TEKT5: variants seen among roughly 807,000 people sequenced by gnomAD.
TEKT5 encodes the protein tektin-5.
Under a neutral mutation model 48.7 loss-of-function variants are expected in TEKT5, and 52 were observed. The ratio of observed to expected loss-of-function variants is 1.07; its 90% CI spans 0.86 to 1.35. The LOEUF is 1.35. Among genes scored for constraint, TEKT5 ranks in the 40% most tolerant of loss-of-function variants. The pLI is 0.00. For synonymous variants in TEKT5, 318 were observed against 267.6 expected, an observed-to-expected ratio of 1.19 and a Z score of -1.84; for missense variants, 831 against 641.6, an observed-to-expected ratio of 1.30 and a Z score of -3.19.
At chr16:10,690,258 A>G (rs1454848075) in intron 1 of TEKT5, 2 of 536,106 alleles carry the variant, frequency 3.7e-6, no homozygotes, top group South Asian at 2.9e-5. Flanking sequence ...CCATGTAGAG[A>G]AAACAGGATA....
At chr16:10,652,832 G>A (rs1424295618) in intron 5 of TEKT5, among the ~76,000 whole-genome samples, 2 of 48,234 alleles carry the variant, frequency 4.1e-5, no homozygotes, top group African/African-American at 9.5e-5. Flanking sequence ...TATATACACA[G>A]GCAGACACAC....
chr16:10,661,588 C>T (rs953952721), intron 5 of TEKT5, among the ~76,000 whole-genome samples: 5 of 152,234 alleles, frequency 3.3e-5, no homozygotes, highest in African/African-American at 7.2e-5. Context: ...GGAGGACTCA[C>T]ACCCAGGCAG....
At chr16:10,647,341 G>A (rs781420603) in intron 5 of TEKT5, among the ~76,000 whole-genome samples, 5 of 151,866 alleles carry the variant, frequency 3.3e-5, no homozygotes, top group Non-Finnish European at 5.9e-5. Context: ...GCGTGGTGGT[G>A]CACACCGGCG....
intron 5 of TEKT5, among the ~76,000 whole-genome samples, chr16:10,663,828 T>C (rs1898414682): frequency 1.3e-5 from 2 of 152,168 alleles, no homozygotes; most frequent in South Asian, 4.2e-4. Context: ...GGGTGCAAAT[T>C]CACCCTGGTT....
rs762983325 is a variant in TEKT5, at chr16:10,627,718, C to T, written c.1323G>A (p.Gln441=). 2.5e-6 allele frequency: 4 copies of T among 1,614,084 alleles called. No individual in the cohort carries two copies. Among genetic ancestry groups the T allele is most frequent in the South Asian group, 2.2e-5 (2 of 91,066 alleles). The change falls in exon 7 of 7, where the codon CAG becomes CAA. Residue 441 remains glutamine, a synonymous_variant. Transcript: ENST00000283025. ...LRLRETQDTL[Q]LLVMTKCRLE... ...GCCGGCACTTGGTCATGACCAGCAGCTGCAGCGTGTCCTGTGTCTCCCGCA... is the reference window on the plus strand; with the variant it reads ...GCCGGCACTTGGTCATGACCAGCAGTTGCAGCGTGTCCTGTGTCTCCCGCA...
intron 5 of TEKT5, among the ~76,000 whole-genome samples, chr16:10,656,772 G>C (rs920527938): frequency 2.6e-5 from 4 of 152,052 alleles, no homozygotes; most frequent in African/African-American, 7.2e-5. Flanking sequence ...ACAGGGTCTT[G>C]CTTTGTTGCC....
rs73510044 is a variant in TEKT5 at position 10,655,150 on chromosome 16, T to A, written c.1087-19232A>T. ...AACAATTGAGGACTACATTTATCCT[T>A]CAAGAACTGTTGTCTCTTTTACATA... is the stretch of plus-strand genomic sequence containing the variant. On this transcript the variant is annotated intron_variant, in intron 5 of 6. Coordinates refer to ENST00000283025, the MANE Select transcript of TEKT5 (RefSeq NM_144674.2). Among the ~76,000 whole-genome samples, 108 of 152,228 alleles carry A rather than the reference T, an allele frequency of 7.1e-4. 3 individuals carry two copies. The highest frequency in any genetic ancestry group is 2.6e-3 in the African/African-American group (106 of 41,542).
chr16:10,652,188 C>T (rs62025788), intron 5 of TEKT5, among the ~76,000 whole-genome samples: 27,999 of 151,954 alleles, frequency 0.18, 2,801 homozygotes, highest in Middle Eastern at 0.38. Flanking sequence ...CTCTCGAAAA[C>T]CTTAGCAAGT....
Position 10,627,610 on chromosome 16 carries a change from G to A in TEKT5, c.1431C>T (p.Cys477=). Residue 477 remains cysteine, a synonymous_variant, in exon 7 of 7, where the codon TGC becomes TGT. Transcript: ENST00000283025. The part of the protein sequence containing the change: ...KCMGMRKTFP[C]TPRLVGHT ...AGGTGTGGCCCACCAGGCGCGGGGTGCAGGGGAAGGTCTTACGCATGCCCA... is the reference window on the plus strand; with the variant it reads ...AGGTGTGGCCCACCAGGCGCGGGGTACAGGGGAAGGTCTTACGCATGCCCA... 1 of 1,614,196 alleles carries A rather than the reference G, an allele frequency of 6.2e-7. No homozygotes were observed. The highest frequency in any genetic ancestry group is 8.5e-7 in the Non-Finnish European group (1 of 1,180,014).
intron 6 of TEKT5, among the ~76,000 whole-genome samples, chr16:10,628,034 C>T (rs1373286492): frequency 2.0e-5 from 3 of 151,580 alleles, no homozygotes; most frequent in Non-Finnish European, 2.9e-5. Context: ...TTATTAGAGG[C>T]AGGGTTTCAC....
At chr16:10,673,019 A>T (rs1898575690) in intron 5 of TEKT5, among the ~76,000 whole-genome samples, 1 of 152,102 alleles carries the variant, frequency 6.6e-6, no homozygotes, top group Non-Finnish European at 1.5e-5. Context: ...ACAAACAAGG[A>T]GACTGAGGCT....
At chr16:10,672,173 T>C (rs779409002) in intron 5 of TEKT5, among the ~76,000 whole-genome samples, 2 of 152,082 alleles carry the variant, frequency 1.3e-5, no homozygotes, top group African/African-American at 2.4e-5. Context: ...TTATGTTATG[T>C]GTATTTTACC....
At chr16:10,665,847 G>C (rs1898446913) in intron 5 of TEKT5, among the ~76,000 whole-genome samples, 1 of 152,226 alleles carries the variant, frequency 6.6e-6, no homozygotes, top group Admixed American at 6.5e-5. Context: ...ATGGCCCTGA[G>C]CCTTTTCCTG....
At chr16:10,665,684 T>G (rs117413570) in intron 5 of TEKT5, among the ~76,000 whole-genome samples, 2 of 152,316 alleles carry the variant, frequency 1.3e-5, no homozygotes, top group East Asian at 3.9e-4. Context: ...ATTTCCCATG[T>G]CTGAACTCCC....
chr16:10,685,561 T>A (rs1444432863), intron 3 of TEKT5, among the ~76,000 whole-genome samples: 1 of 152,172 alleles, frequency 6.6e-6, no homozygotes, highest in African/African-American at 2.4e-5. Context: ...CCTCCCAAAG[T>A]GCTGGGATTA....
Position 10,627,811 on chromosome 16 carries a change from G to T in TEKT5, c.1242-12C>A, listed in dbSNP as rs1897775898. 1 of 1,612,220 alleles carries T rather than the reference G, an allele frequency of 6.2e-7. No individual in the cohort carries two copies. Among genetic ancestry groups the T allele is most frequent in the Non-Finnish European group, 8.5e-7 (1 of 1,178,426 alleles). On this transcript the variant is annotated splice_polypyrimidine_tract_variant and intron_variant, in intron 6 of 6. Transcript: ENST00000283025. Reference sequence around the variant, plus strand: ...CCTCGTTCACCAGCCTGGGGTGAGGGCAGAGGAGAAGGCACAGGTTATTCA... The same window carrying T: ...CCTCGTTCACCAGCCTGGGGTGAGGTCAGAGGAGAAGGCACAGGTTATTCA...
chr16:10,627,632 C>G lies in TEKT5; in HGVS notation c.1409G>C (p.Gly470Ala), dbSNP rs1253417906. 6.2e-6 allele frequency: 10 copies of G among 1,614,196 alleles called. No homozygotes were observed. The highest frequency in any genetic ancestry group is 5.9e-6 in the Non-Finnish European group (7 of 1,180,042). The change falls in exon 7 of 7, where the codon GGC (glycine) becomes GCC (alanine). Residue 470 changes from glycine to alanine, a missense_variant. Physicochemically the swap from Gly to Ala is moderately conservative, Grantham distance 60. Transcript: ENST00000283025. ...TLCIDKEKCM[G>A]MRKTFPCTPR... ...GGTGCAGGGGAAGGTCTTACGCATG[C>G]CCATGCACTTCTCCTTGTCGATGCA...
chr16:10,636,568 G>C (rs1897916227), intron 5 of TEKT5, among the ~76,000 whole-genome samples: 1 of 151,972 alleles, frequency 6.6e-6, no homozygotes, highest in Non-Finnish European at 1.5e-5. Flanking sequence ...AGAAGAGGGA[G>C]AGGAAGGGAA....
At chr16:10,678,897 G>A (rs1037320360) in intron 4 of TEKT5, among the ~76,000 whole-genome samples, 2 of 152,216 alleles carry the variant, frequency 1.3e-5, no homozygotes, top group African/African-American at 4.8e-5. Context: ...AGGGGGAAGT[G>A]CTTTCTGGAG....
Sources: gnomAD v4.1 joint callset for allele counts (sites outside exome capture counted in the v4.1 genomes callset) on GRCh38, gnomAD v4.1.1 for gene constraint, MANE v1.5 for transcripts, NCBI Gene and HGNC (gene_info 2026-07-23, HGNC 2026-07-21) for gene names.